SDK1: variants seen among roughly 807,000 people sequenced by gnomAD.
SDK1 encodes the protein sidekick cell adhesion molecule 1.
A neutral mutation model predicts 245.5 loss-of-function variants in SDK1; 157 were observed. The ratio of observed to expected loss-of-function variants is 0.64; its 90% CI spans 0.56 to 0.73. SDK1 has a LOEUF of 0.73. Ranked by LOEUF, SDK1 falls within the 30% of genes least tolerant of loss-of-function variation. The pLI is 0.00. For synonymous variants in SDK1, 1,647 were observed against 1,278.5 expected, an observed-to-expected ratio of 1.29 and a Z score of -6.15; for missense variants, 3,583 against 3,002.3, an observed-to-expected ratio of 1.19 and a Z score of -4.52.
rs114988078 is a variant in SDK1, at chr7:3,971,621, C to T, written c.1817+53C>T. 2.1e-4 allele frequency: 277 copies of T among 1,346,654 alleles called. 1 individual carries two copies. The African/African-American group carries it at 3.6e-3, about 18-fold the overall frequency. 83.4% of individuals were successfully genotyped at this position (1,346,654 alleles called of 1,614,324 possible). A position where few individuals can be genotyped will look rare whatever the true frequency, so the allele number is the denominator to read the frequency against. Reference sequence around the variant, plus strand: ...GGGCTTGTTGATATTCTGTGAGTTTCTGAAGTGAAGTTGAGATGAGGAGGA... The same window carrying T: ...GGGCTTGTTGATATTCTGTGAGTTTTTGAAGTGAAGTTGAGATGAGGAGGA... On this transcript the variant is annotated intron_variant, in intron 12 of 44. Transcript: ENST00000404826.
intron 4 of SDK1, among the ~76,000 whole-genome samples, chr7:3,666,877 C>G (rs1490967872): frequency 6.6e-6 from 1 of 152,190 alleles, no homozygotes; most frequent in Non-Finnish European, 1.5e-5. Context: ...TTCCCCTTGT[C>G]TGCATCTGCT....
At chr7:3,777,324 T>G (rs1780596875) in intron 4 of SDK1, among the ~76,000 whole-genome samples, 1 of 152,244 alleles carries the variant, frequency 6.6e-6, no homozygotes, top group African/African-American at 2.4e-5. Flanking sequence ...TAGATATTCC[T>G]AAGCCTTTTT....
At chr7:3,745,776 A>G (rs970349741) in intron 4 of SDK1, among the ~76,000 whole-genome samples, 14 of 152,236 alleles carry the variant, frequency 9.2e-5, no homozygotes, top group African/African-American at 3.4e-4. Context: ...TAGTAACACT[A>G]TTGGCAAAGA....
chr7:3,972,700 ACAG>A (rs1401297978), intron 12 of SDK1, among the ~76,000 whole-genome samples: 1 of 152,146 alleles, frequency 6.6e-6, no homozygotes, highest in Non-Finnish European at 1.5e-5. Context: ...AGCAGAGGGG[ACAG>A]CTGTGGGTGC....
chr7:3,877,751 A>G (rs911926299), intron 5 of SDK1, among the ~76,000 whole-genome samples: 2 of 152,220 alleles, frequency 1.3e-5, no homozygotes, highest in African/African-American at 4.8e-5. Flanking sequence ...GTATCATCCT[A>G]AAGTCAATGT....
intron 1 of SDK1, among the ~76,000 whole-genome samples, chr7:3,343,002 G>GAAAAAAAAAAAA (rs59587479): frequency 1.4e-5 from 2 of 137,996 alleles, no homozygotes; most frequent in African/African-American, 2.7e-5. Context: ...CTAAATGGCT[G>GAAAAAAAAAAAA]AAAAAAAAAA....
At chr7:3,589,202 A>C (rs1780782214) in intron 1 of SDK1, among the ~76,000 whole-genome samples, 1 of 152,172 alleles carries the variant, frequency 6.6e-6, no homozygotes, top group South Asian at 2.1e-4. Flanking sequence ...TGACGTTGGT[A>C]CTGATCTCAC....
intron 5 of SDK1, among the ~76,000 whole-genome samples, chr7:3,939,449 A>G (rs1205455137): frequency 6.6e-6 from 1 of 152,140 alleles, no homozygotes; most frequent in Non-Finnish European, 1.5e-5. Context: ...GGTGGGAGGA[A>G]TTTTCTATTT....
chr7:3,878,020 C>G (rs1320016545), intron 5 of SDK1, among the ~76,000 whole-genome samples: 1 of 152,220 alleles, frequency 6.6e-6, no homozygotes, highest in African/African-American at 2.4e-5. Flanking sequence ...AGACATATCA[C>G]CACATTCACT....
chr7:3,835,687 CAA>C (rs1229418252), intron 5 of SDK1, among the ~76,000 whole-genome samples: 5 of 152,148 alleles, frequency 3.3e-5, no homozygotes, highest in Non-Finnish European at 1.5e-5. Context: ...TTCATTGACT[CAA>C]GATGTATTTA....
intron 34 of SDK1, among the ~76,000 whole-genome samples, chr7:4,177,053 G>A (rs1484285164): frequency 6.6e-6 from 1 of 152,212 alleles, no homozygotes; most frequent in African/African-American, 2.4e-5. Flanking sequence ...GGCCCTCCCC[G>A]AGCCTATGTT....
intron 1 of SDK1, among the ~76,000 whole-genome samples, chr7:3,509,419 C>T (rs185053773): frequency 1.7e-4 from 26 of 152,244 alleles, no homozygotes; most frequent in African/African-American, 6.3e-4. Flanking sequence ...AGTTGTAAGA[C>T]AGGGTAATGA....
At chr7:3,627,449 T>C (rs1325690479) in intron 2 of SDK1, among the ~76,000 whole-genome samples, 4 of 152,178 alleles carry the variant, frequency 2.6e-5, no homozygotes, top group East Asian at 3.8e-4. Flanking sequence ...GCCTAGTCAA[T>C]GAGCAGAGAA....
intron 14 of SDK1, among the ~76,000 whole-genome samples, chr7:3,996,525 G>A (rs1016905909): frequency 1.3e-5 from 2 of 152,266 alleles, no homozygotes; most frequent in Non-Finnish European, 1.5e-5. Context: ...TTATTCAGCT[G>A]TTTAGTGAGG....
intron 42 of SDK1, among the ~76,000 whole-genome samples, chr7:4,238,695 T>C (rs951039110): frequency 1.3e-5 from 2 of 151,692 alleles, no homozygotes; most frequent in African/African-American, 2.4e-5. Flanking sequence ...ATTACAGGCA[T>C]GCATCTCCAC....
intron 17 of SDK1, among the ~76,000 whole-genome samples, chr7:4,017,924 G>A (rs1054468078): frequency 6.6e-6 from 1 of 152,128 alleles, no homozygotes; most frequent in Non-Finnish European, 1.5e-5. Context: ...TTAAATATCC[G>A]TGGTGAGATC....
intron 1 of SDK1, among the ~76,000 whole-genome samples, chr7:3,331,275 CA>C (rs996856868): frequency 6.6e-6 from 1 of 151,958 alleles, no homozygotes; most frequent in Non-Finnish European, 1.5e-5. Context: ...AAAAAGAAAA[CA>C]AAAAACAAAA....
At chr7:3,611,691 AC>A (rs1781596415) in intron 1 of SDK1, among the ~76,000 whole-genome samples, 1 of 152,232 alleles carries the variant, frequency 6.6e-6, no homozygotes, top group East Asian at 1.9e-4. Context: ...CCTTTTCACC[AC>A]GTCCCTGCCA....
intron 1 of SDK1, among the ~76,000 whole-genome samples, chr7:3,344,669 T>C (rs1780446941): frequency 4.6e-5 from 7 of 152,210 alleles, no homozygotes; most frequent in Admixed American, 4.6e-4. Context: ...TCTTCTTCGT[T>C]GTTGCTGGAC....
Sources: gnomAD v4.1 joint callset for allele counts (sites outside exome capture counted in the v4.1 genomes callset) on GRCh38, gnomAD v4.1.1 for gene constraint, MANE v1.5 for transcripts, NCBI Gene and HGNC (gene_info 2026-07-23, HGNC 2026-07-21) for gene names.